Variants in PGCKA1 observed in about 807,000 individuals in gnomAD.
PGCKA1 encodes PDCD10 and GCKIII kinases associated 1.
chr4:37,472,675 CT>C, the PGCKA1 span, among the ~76,000 whole-genome samples: 1 of 152,128 alleles, frequency 6.6e-6, no homozygotes, highest in Non-Finnish European at 1.5e-5. Flanking sequence ...TAAAAACCTC[CT>C]TGCTACATTT....
the PGCKA1 span, among the ~76,000 whole-genome samples, chr4:37,479,485 G>T: frequency 2.0e-5 from 3 of 152,016 alleles, no homozygotes; most frequent in East Asian, 3.9e-4. Flanking sequence ...TTAGATTCAA[G>T]AATTAATGAA....
the PGCKA1 span, among the ~76,000 whole-genome samples, chr4:37,570,211 G>A: frequency 7.0e-6 from 1 of 142,692 alleles, no homozygotes; most frequent in Non-Finnish European, 1.5e-5. Context: ...TGTTAGCCAG[G>A]ATGGTCTCGA....
chr4:37,457,458 A>C, the PGCKA1 span, among the ~76,000 whole-genome samples: 2 of 152,244 alleles, frequency 1.3e-5, no homozygotes, highest in Non-Finnish European at 2.9e-5. Flanking sequence ...TCATTGCCGC[A>C]TGCATAGCTT....
chr4:37,578,874 T>C, the PGCKA1 span, among the ~76,000 whole-genome samples: 1 of 152,030 alleles, frequency 6.6e-6, no homozygotes, highest in African/African-American at 2.4e-5. Context: ...CTGACCAACA[T>C]GGTGAAACCC....
chr4:37,528,160 TG>T, the PGCKA1 span, among the ~76,000 whole-genome samples: 3 of 152,234 alleles, frequency 2.0e-5, no homozygotes, highest in African/African-American at 7.2e-5. Context: ...AAGTTAGCAC[TG>T]GGCTTGTTTT....
chr4:37,590,615 A>G, the PGCKA1 span: 1 of 1,614,048 alleles, frequency 6.2e-7, no homozygotes, highest in Non-Finnish European at 8.5e-7. Context: ...CCAGCCCCAG[A>G]TTACCTTCAG....
chr4:37,555,095 C>G, the PGCKA1 span, among the ~76,000 whole-genome samples: 1 of 152,212 alleles, frequency 6.6e-6, no homozygotes, highest in Non-Finnish European at 1.5e-5. Flanking sequence ...AACCCTCACT[C>G]TAAGTGAATT....
the PGCKA1 span, among the ~76,000 whole-genome samples, chr4:37,454,622 G>A: frequency 3.3e-5 from 5 of 152,188 alleles, no homozygotes; most frequent in African/African-American, 1.2e-4. Context: ...GTGAAAAGAG[G>A]GTGCCAGGTG....
the PGCKA1 span, among the ~76,000 whole-genome samples, chr4:37,551,243 G>A: frequency 6.6e-5 from 10 of 152,058 alleles, no homozygotes; most frequent in Admixed American, 1.3e-4. Context: ...TTTACTGCCC[G>A]TAAAAGCAGG....
the PGCKA1 span, among the ~76,000 whole-genome samples, chr4:37,533,825 A>C: frequency 6.6e-6 from 1 of 152,250 alleles, no homozygotes; most frequent in South Asian, 2.1e-4. Flanking sequence ...TGTTTCCCTT[A>C]GGGAAGTAAG....
chr4:37,574,371 C>T, the PGCKA1 span, among the ~76,000 whole-genome samples: 3 of 152,060 alleles, frequency 2.0e-5, no homozygotes, highest in Admixed American at 6.5e-5. Context: ...ATAATTCCAA[C>T]CCATTTCACA....
At chr4:37,588,471 G>T in the PGCKA1 span, 1 of 168,736 alleles carries the variant, frequency 5.9e-6, no homozygotes, top group Non-Finnish European at 1.3e-5. Flanking sequence ...GCAGTGGGCC[G>T]TGCCCTGGTG....
At chr4:37,504,271 C>T in the PGCKA1 span, among the ~76,000 whole-genome samples, 1 of 152,078 alleles carries the variant, frequency 6.6e-6, no homozygotes, top group Non-Finnish European at 1.5e-5. Flanking sequence ...GTTCTCTATT[C>T]TGATCCACTG....
chr4:37,474,013 G>A, the PGCKA1 span, among the ~76,000 whole-genome samples: 3 of 152,262 alleles, frequency 2.0e-5, no homozygotes, highest in Admixed American at 2.0e-4. Context: ...ACATCATCAA[G>A]TGCTCTTTCC....
chr4:37,485,197 G>A, the PGCKA1 span, among the ~76,000 whole-genome samples: 5 of 152,028 alleles, frequency 3.3e-5, no homozygotes, highest in African/African-American at 9.7e-5. Context: ...CTTCCTGCTT[G>A]TTTTCTGATC....
At chr4:37,520,431 G>A in the PGCKA1 span, among the ~76,000 whole-genome samples, 13 of 152,054 alleles carry the variant, frequency 8.5e-5, no homozygotes, top group East Asian at 7.7e-4. Flanking sequence ...CTTTGATCTC[G>A]TTACTTGTTA....
the PGCKA1 span, among the ~76,000 whole-genome samples, chr4:37,514,646 C>T: frequency 2.0e-5 from 3 of 152,198 alleles, no homozygotes; most frequent in African/African-American, 4.8e-5. Flanking sequence ...GGTATGATTT[C>T]TATTGCTGCA....
chr4:37,562,592 C>T, the PGCKA1 span, among the ~76,000 whole-genome samples: 2 of 152,200 alleles, frequency 1.3e-5, no homozygotes, highest in African/African-American at 4.8e-5. Flanking sequence ...GCACATAGTT[C>T]TCCTGGAATG....
the PGCKA1 span, among the ~76,000 whole-genome samples, chr4:37,537,198 C>T: frequency 1.3e-5 from 2 of 152,210 alleles, no homozygotes; most frequent in Non-Finnish European, 2.9e-5. Flanking sequence ...ATGTTCTGCC[C>T]TCCAGAATTT....
Sources: gnomAD v4.1 joint callset for allele counts (sites outside exome capture counted in the v4.1 genomes callset) on GRCh38, gnomAD v4.1.1 for gene constraint, MANE v1.5 for transcripts, NCBI Gene and HGNC (gene_info 2026-07-23, HGNC 2026-07-21) for gene names.